Variants in HDGFL2 observed in about 807,000 individuals in gnomAD.
The protein encoded by HDGFL2 is HDGF like 2.
In HDGFL2, 36 loss-of-function variants were observed where a neutral mutation model predicts 77.1. The ratio of observed to expected loss-of-function variants is 0.47; its 90% CI spans 0.36 to 0.62. The LOEUF (loss-of-function observed/expected upper bound fraction) is 0.62. Ranked by LOEUF, HDGFL2 falls within the 20% of genes least tolerant of loss-of-function variation. HDGFL2 has a pLI of 0.00. For synonymous variants in HDGFL2, 463 were observed against 413.1 expected (o/e 1.12, Z -1.46); for missense variants, 976 against 973.4 (o/e 1.00, Z -0.04).
intron 12 of HDGFL2, 62 bp from the exon 13 acceptor site, chr19:4,498,752 C>T (rs1975776360): frequency 1.9e-5 from 21 of 1,129,452 alleles, no homozygotes; most frequent in Non-Finnish European, 2.6e-5. Context: ...CCCATCGGGG[C>T]CCTGGGACCC....
chr19:4,500,192 C>A (rs563341469), intron 14 of HDGFL2, among the ~76,000 whole-genome samples: 15 of 152,352 alleles, frequency 9.8e-5, no homozygotes, highest in African/African-American at 3.6e-4. Context: ...GGCCCCATTA[C>A]AGGTGCTCAG....
At chr19:4,492,508 ATG>A (rs1975543284) in intron 6 of HDGFL2, among the ~76,000 whole-genome samples, 1 of 150,872 alleles carries the variant, frequency 6.6e-6, no homozygotes, top group Non-Finnish European at 1.5e-5. Context: ...TCATGTATCT[ATG>A]TGTCTGTGTT....
At chr19:4,496,211 T>C in intron 9 of HDGFL2, 91 bp from the exon 10 acceptor site, 1 of 1,040,354 alleles carries the variant, frequency 9.6e-7, no homozygotes, top group Non-Finnish European at 1.5e-6. Context: ...ACAGAAAGGG[T>C]CGAGCTGCAT....
Position 4,499,668 on chromosome 19 carries a change from G to C in HDGFL2, c.1753G>C (p.Ala585Pro), listed in dbSNP as rs1024825416. ...CGGGGAGGAGCTGGCCGGGGAGGAGGCCCCCCAGGAGAAGGCGGAGGACAA... is the reference window on the plus strand; with the variant it reads ...CGGGGAGGAGCTGGCCGGGGAGGAGCCCCCCCAGGAGAAGGCGGAGGACAA... ...LAGEELAGEE[A>P]PQEKAEDKPS... The change falls in exon 14 of 16, where the codon GCC becomes CCC. Residue 585 changes from alanine to proline, a missense_variant. This residue lies in a region of HDGFL2 where 229 missense variants were observed against 187.3 expected (regional missense o/e 1.22). Coordinates refer to ENST00000616600, the MANE Select transcript of HDGFL2 (RefSeq NM_001001520.3). 36 of 1,560,590 alleles carry C rather than the reference G, an allele frequency of 2.3e-5. No homozygotes were observed. The South Asian group carries it at 3.7e-4, about 16-fold the overall frequency.
Position 4,488,657 on chromosome 19 carries a change from T to A in HDGFL2, c.289-19T>A. 1 of 1,536,376 alleles carries A rather than the reference T, an allele frequency of 6.5e-7. No homozygotes were observed. Among genetic ancestry groups the A allele is most frequent in the African/African-American group, 1.4e-5 (1 of 73,106 alleles). On this transcript the variant is annotated intron_variant, in intron 3 of 15. Coordinates refer to ENST00000616600, the MANE Select transcript of HDGFL2 (RefSeq NM_001001520.3). ...CCACGACTGGTGGTGACGCGCGTTCTCTGCCCCGACTCCCACAGCCAGTGA... is the reference window on the plus strand; with the variant it reads ...CCACGACTGGTGGTGACGCGCGTTCACTGCCCCGACTCCCACAGCCAGTGA...
intron 4 of HDGFL2, 33 bp downstream of exon 4, chr19:4,488,909 T>C (rs943049062): frequency 6.6e-7 from 1 of 1,510,314 alleles, no homozygotes. Flanking sequence ...TGGCCCTTCA[T>C]CCCCTTGCCC....
At chr19:4,478,079 C>CAAA (rs1160351990) in intron 3 of HDGFL2, among the ~76,000 whole-genome samples, 99 of 78,554 alleles carry the variant, frequency 1.3e-3, no homozygotes, top group Middle Eastern at 7.8e-3. Flanking sequence ...GACTCTGTCT[C>CAAA]AAAAAAAAAA....
At chr19:4,482,908 CAG>C (rs146076091) in intron 3 of HDGFL2, among the ~76,000 whole-genome samples, 1,830 of 152,136 alleles carry the variant, frequency 0.012, 45 homozygotes, top group African/African-American at 0.042. Context: ...AGGGTTGGGT[CAG>C]GGGCGGGGCT....
chr19:4,497,519 C>T, intron 10 of HDGFL2: 1 of 304,400 alleles, frequency 3.3e-6, no homozygotes, highest in Non-Finnish European at 6.3e-6. Flanking sequence ...TTCTAAATGG[C>T]CTTGAGTGGG....
chr19:4,488,563 A>G, intron 3 of HDGFL2, 113 bp from the exon 4 acceptor site: 1 of 944,028 alleles, frequency 1.1e-6, no homozygotes, highest in East Asian at 2.6e-5. Context: ...AGGAGACAAC[A>G]CGCCTGACAT....
chr19:4,472,318 C>A lies in HDGFL2; in HGVS notation c.-33C>A. 6.8e-7 allele frequency: 1 copy of A among 1,467,850 alleles called. No homozygotes were observed. Among genetic ancestry groups the A allele is most frequent in the Non-Finnish European group, 9.0e-7 (1 of 1,108,114 alleles). The allele number at this position is 1,467,850 out of a possible 1,614,324, so 90.9% of individuals were successfully genotyped here. ...CCGCAGCCGCTACCGCCGCTGCAGCCGCTTTCCGCGGCCTGGGCCTCTCGC... is the reference window on the plus strand; with the variant it reads ...CCGCAGCCGCTACCGCCGCTGCAGCAGCTTTCCGCGGCCTGGGCCTCTCGC... On this transcript the variant is annotated 5_prime_UTR_variant, in exon 1 of 16. Transcript: ENST00000616600.
intron 9 of HDGFL2, among the ~76,000 whole-genome samples, chr19:4,495,186 G>A (rs1293360195): frequency 6.6e-6 from 1 of 152,048 alleles, no homozygotes; most frequent in Admixed American, 6.6e-5. Context: ...AGGAGATCAA[G>A]ACCAGCCTGG....
intron 1 of HDGFL2, among the ~76,000 whole-genome samples, chr19:4,472,782 G>A (rs1327648898): frequency 6.7e-6 from 1 of 149,746 alleles, no homozygotes; most frequent in Non-Finnish European, 1.5e-5. Flanking sequence ...GGATCCTGCA[G>A]GACCCGCCGT....
intron 3 of HDGFL2, among the ~76,000 whole-genome samples, chr19:4,482,521 T>C (rs1045721718): frequency 2.0e-5 from 3 of 152,164 alleles, no homozygotes; most frequent in African/African-American, 4.8e-5. Flanking sequence ...ATTTTTTTCA[T>C]AGAGACAGGC....
intron 6 of HDGFL2, among the ~76,000 whole-genome samples, chr19:4,493,279 TGTCTGTGTGTG>T (rs1204037459): frequency 4.2e-5 from 6 of 143,694 alleles, no homozygotes; most frequent in Non-Finnish European, 7.7e-5. Flanking sequence ...GTGTGTGTGT[TGTCTGTGTGTG>T]GTGTGTGTGT....
At chr19:4,496,429 C>T (rs2085618862) in intron 10 of HDGFL2, 24 bp downstream of exon 10, 2 of 1,570,646 alleles carry the variant, frequency 1.3e-6, no homozygotes, top group Non-Finnish European at 1.7e-6. Flanking sequence ...TGCCCCTCCA[C>T]ACCCTGGGGG....
At chr19:4,487,722 C>G (rs1191674425) in intron 3 of HDGFL2, among the ~76,000 whole-genome samples, 2 of 152,216 alleles carry the variant, frequency 1.3e-5, no homozygotes, top group Non-Finnish European at 2.9e-5. Context: ...ATGCCCCCGG[C>G]CCAGTGCCCG....
chr19:4,501,108 C>G (rs1975863033), intron 14 of HDGFL2, 83 bp from the exon 15 acceptor site: 1 of 1,573,230 alleles, frequency 6.4e-7, no homozygotes, highest in Non-Finnish European at 8.7e-7. Flanking sequence ...AGCTTGGCCC[C>G]TGGTCCAGTC....
At chr19:4,491,479 G>C (rs11878416) in intron 4 of HDGFL2, 87 bp from the exon 5 acceptor site, 751,106 of 1,119,962 alleles carry the variant, frequency 0.67, 255,095 homozygotes, top group African/African-American at 0.79. Flanking sequence ...GAGCTCAGCT[G>C]TCGTGGGTGG....
Sources: gnomAD v4.1 joint callset for allele counts (sites outside exome capture counted in the v4.1 genomes callset) on GRCh38, gnomAD v4.1.1 for gene constraint, gnomAD v4.1.1 regional missense constraint, MANE v1.5 for transcripts, NCBI Gene and HGNC (gene_info 2026-07-23, HGNC 2026-07-21) for gene names.